CBFA2T2: variants seen among roughly 807,000 people sequenced by gnomAD.
CBFA2T2 encodes CBFA2/RUNX1 partner transcriptional co-repressor 2.
CBFA2T2 carries 11 observed loss-of-function variants against 62.2 expected under a neutral mutation model. The ratio of observed to expected loss-of-function variants is 0.18; its 90% CI spans 0.11 to 0.29. The LOEUF (loss-of-function observed/expected upper bound fraction) is 0.29. Among genes scored for constraint, CBFA2T2 ranks in the 10% least tolerant of loss-of-function variants. The pLI, the probability that CBFA2T2 is intolerant of heterozygous loss-of-function variation, is 1.00. For missense variants in CBFA2T2, 592 were observed against 774.1 expected (o/e 0.76, Z 2.79); for synonymous variants, 295 against 287.5 (o/e 1.03, Z -0.27).
At chr20:33,568,554 G>A (rs1169445559) in intron 1 of CBFA2T2, among the ~76,000 whole-genome samples, 1 of 152,126 alleles carries the variant, frequency 6.6e-6, no homozygotes, top group Admixed American at 6.6e-5. Context: ...CTCTGCTGCC[G>A]GCGGGCGCGT....
At chr20:33,492,084 G>A (rs189032386) in intron 1 of CBFA2T2, among the ~76,000 whole-genome samples, 21 of 152,116 alleles carry the variant, frequency 1.4e-4, no homozygotes, top group African/African-American at 4.6e-4. Flanking sequence ...GTTTTACCAT[G>A]TTGGCCAGGC....
chr20:33,633,965 G>T (rs527632177), intron 8 of CBFA2T2, among the ~76,000 whole-genome samples: 28 of 151,592 alleles, frequency 1.8e-4, no homozygotes, highest in African/African-American at 2.7e-4. Flanking sequence ...ATTTTTTTTT[G>T]TTTGTTTGTT....
chr20:33,502,215 AT>A (rs1243347482), intron 1 of CBFA2T2, among the ~76,000 whole-genome samples: 1 of 151,950 alleles, frequency 6.6e-6, no homozygotes, highest in Non-Finnish European at 1.5e-5. Flanking sequence ...ATTAATATGG[AT>A]TTATGGATTC....
At chr20:33,528,584 T>A (rs2011951871) in intron 1 of CBFA2T2, among the ~76,000 whole-genome samples, 1 of 152,224 alleles carries the variant, frequency 6.6e-6, no homozygotes, top group Admixed American at 6.5e-5. Context: ...TCCCAGCCCA[T>A]GCGTGTGGAA....
chr20:33,555,521 C>G (rs2012872498), intron 1 of CBFA2T2, among the ~76,000 whole-genome samples: 1 of 152,090 alleles, frequency 6.6e-6, no homozygotes, highest in Non-Finnish European at 1.5e-5. Context: ...CATTTTACTC[C>G]AATTGCTTTA....
chr20:33,550,708 C>T (rs569498620), intron 1 of CBFA2T2, among the ~76,000 whole-genome samples: 4 of 151,754 alleles, frequency 2.6e-5, no homozygotes, highest in East Asian at 1.9e-4. Context: ...CTGCAACCTC[C>T]GCTCCCGGGT....
Position 33,610,859 on chromosome 20 carries a change from T to C in CBFA2T2, c.179-235T>C, listed in dbSNP as rs1403387493. On this transcript the variant is annotated intron_variant, in intron 2 of 10. Coordinates refer to ENST00000342704, the MANE Select transcript of CBFA2T2 (RefSeq NM_001032999.3). ...TGCCCATGGCACCTGTAGAGTTAGA[T>C]TTCCCTTCTTATTGCTCTGGGAGCA... 2.6e-5 allele frequency among the ~76,000 whole-genome samples: 4 copies of C among 152,156 alleles called. 1 individual carries two copies. Among genetic ancestry groups the C allele is most frequent in the Admixed American group, 2.6e-4 (4 of 15,268 alleles).
chr20:33,507,706 T>A (rs2011427779), intron 1 of CBFA2T2, among the ~76,000 whole-genome samples: 1 of 152,140 alleles, frequency 6.6e-6, no homozygotes, highest in African/African-American at 2.4e-5. Context: ...TGCACCATAC[T>A]TTTTCCCCCC....
intron 8 of CBFA2T2, among the ~76,000 whole-genome samples, chr20:33,634,685 A>G (rs2016571390): frequency 6.6e-6 from 1 of 151,460 alleles, no homozygotes; most frequent in African/African-American, 2.4e-5. Context: ...AAAAAAAAAA[A>G]AAAAAAAAAA....
intron 1 of CBFA2T2, among the ~76,000 whole-genome samples, chr20:33,582,017 C>T (rs564368358): frequency 1.8e-4 from 28 of 152,284 alleles, no homozygotes; most frequent in African/African-American, 6.7e-4. Context: ...TTTGATTGTA[C>T]TTATAAGATT....
chr20:33,514,243 C>G (rs1350746288), intron 1 of CBFA2T2, among the ~76,000 whole-genome samples: 5 of 78,874 alleles, frequency 6.3e-5, no homozygotes, highest in Non-Finnish European at 9.0e-5. Context: ...GAGATAGAGT[C>G]TTACTCTGTC....
intron 1 of CBFA2T2, among the ~76,000 whole-genome samples, chr20:33,605,215 T>C (rs2015293590): frequency 6.6e-6 from 1 of 152,238 alleles, no homozygotes; most frequent in African/African-American, 2.4e-5. Flanking sequence ...TGTTCCTTGT[T>C]GCCAGGATCG....
rs2017080347 is a variant in CBFA2T2 at position 33,647,142 on chromosome 20, G to C, written c.*2496G>C. 1 of 152,224 alleles carries C rather than the reference G, an allele frequency of 6.6e-6. No homozygotes were observed. Among genetic ancestry groups the C allele is most frequent in the African/African-American group, 2.4e-5 (1 of 41,416 alleles). The allele number at this position is 152,224 out of a possible 1,614,324, so 9.4% of individuals were successfully genotyped here. ...CAGTCCTTGGTGGGGAACTCTAAGG[G>C]GGACGGAGTCAGTACCCCGGACAGG... is the stretch of plus-strand genomic sequence containing the variant. On this transcript the variant is annotated 3_prime_UTR_variant, in exon 11 of 11. Coordinates refer to ENST00000342704, the MANE Select transcript of CBFA2T2 (RefSeq NM_001032999.3).
intron 1 of CBFA2T2, among the ~76,000 whole-genome samples, chr20:33,540,854 C>T (rs1207615493): frequency 4.6e-5 from 7 of 152,146 alleles, no homozygotes. Context: ...TAGCCTATAA[C>T]TCCAGAATCA....
At chr20:33,538,900 A>G (rs768513293) in intron 1 of CBFA2T2, among the ~76,000 whole-genome samples, 12 of 149,286 alleles carry the variant, frequency 8.0e-5, no homozygotes, top group East Asian at 2.0e-4. Context: ...CTCTCAGTCT[A>G]TGTTGTCTTC....
intron 1 of CBFA2T2, among the ~76,000 whole-genome samples, chr20:33,509,353 C>T (rs775062756): frequency 2.0e-5 from 3 of 151,656 alleles, no homozygotes; most frequent in Admixed American, 6.6e-5. Context: ...GGCGACACAG[C>T]GAGACTCCCT....
At chr20:33,492,299 G>A (rs577525570) in intron 1 of CBFA2T2, among the ~76,000 whole-genome samples, 14 of 151,848 alleles carry the variant, frequency 9.2e-5, no homozygotes, top group Non-Finnish European at 2.9e-5. Flanking sequence ...GATTACGAGC[G>A]TGAGTCACCA....
In CBFA2T2 at chr20:33,529,165, A is replaced by G. The variant is rs1027588196; in HGVS notation, c.34+38864A>G. Reference sequence around the variant, plus strand: ...CTCAGCCTCCCGAGTAGCTGGGACTACAGGTGCCTGCCACCATGCCCGGCT... The same window carrying G: ...CTCAGCCTCCCGAGTAGCTGGGACTGCAGGTGCCTGCCACCATGCCCGGCT... On this transcript the variant is annotated intron_variant, in intron 1 of 10. Transcript: ENST00000342704. Among the ~76,000 whole-genome samples, 9 of 152,012 alleles carry G rather than the reference A, an allele frequency of 5.9e-5. No homozygotes were observed. The South Asian group carries it at 1.9e-3, about 32-fold the overall frequency.
At chr20:33,637,627 TA>T (rs968581420) in intron 9 of CBFA2T2, among the ~76,000 whole-genome samples, 6 of 152,114 alleles carry the variant, frequency 3.9e-5, no homozygotes, top group African/African-American at 1.2e-4. Flanking sequence ...TATAAGAAAT[TA>T]AGTGAGTACC....
Sources: gnomAD v4.1 joint callset for allele counts (sites outside exome capture counted in the v4.1 genomes callset) on GRCh38, gnomAD v4.1.1 for gene constraint, MANE v1.5 for transcripts, NCBI Gene and HGNC (gene_info 2026-07-23, HGNC 2026-07-21) for gene names.